PCDHGA2: variants seen among roughly 807,000 people sequenced by gnomAD.
PCDHGA2 encodes the protein protocadherin gamma subfamily A, 2.
In PCDHGA2, 40 loss-of-function variants were observed where a neutral mutation model predicts 59.2. That is an observed-to-expected ratio of 0.68 (90% CI 0.52 to 0.88). PCDHGA2 has a LOEUF of 0.88. Among genes scored for constraint, PCDHGA2 ranks in the 40% least tolerant of loss-of-function variants. The probability of loss-of-function intolerance (pLI) is 0.00; values close to 1 mark genes in which losing one functional copy is unlikely to be tolerated. For synonymous variants in PCDHGA2, 560 were observed against 526.0 expected (o/e 1.06, Z -0.89); for missense variants, 1,226 against 1,204.0 (o/e 1.02, Z -0.27).
chr5:141,361,816 C>G, intron 1 of PCDHGA2: 2 of 1,613,084 alleles, frequency 1.2e-6, no homozygotes, highest in Non-Finnish European at 1.7e-6. Context: ...CAATGCGCCA[C>G]GGGTGCTGTA....
intron 1 of PCDHGA2, chr5:141,387,800 T>G: frequency 4.6e-6 from 7 of 1,509,374 alleles, no homozygotes; most frequent in Non-Finnish European, 6.2e-6. Context: ...TAAAGTCCGT[T>G]CGGAGATCCA....
chr5:141,372,653 T>A, intron 1 of PCDHGA2: 1 of 1,614,032 alleles, frequency 6.2e-7, no homozygotes. Context: ...ATTCCTACAA[T>A]CCGTGTGCTG....
At position 141,340,692 on chromosome 5, in the gene PCDHGA2, G is replaced by T. The variant is rs752480769; in HGVS notation, c.1721G>T (p.Gly574Val). The T allele has an allele frequency of 3.7e-6, 6 of 1,614,076 alleles. No individual in the cohort carries two copies. The highest frequency in any genetic ancestry group is 5.1e-6 in the Non-Finnish European group (6 of 1,180,054). ...YPAFPTDGST[G>V]VELAPRSAEP... Reference sequence around the variant, plus strand: ...GCCTTCCCCACAGACGGTTCCACTGGCGTGGAGCTGGCGCCCCGCTCCGCA... The same window carrying T: ...GCCTTCCCCACAGACGGTTCCACTGTCGTGGAGCTGGCGCCCCGCTCCGCA... The change falls in exon 1 of 4, where the codon GGC (glycine) becomes GTC (valine). Residue 574 changes from glycine to valine, a missense_variant. By Grantham distance (109) the Gly-to-Val change is moderately radical. Coordinates refer to ENST00000394576, the MANE Select transcript of PCDHGA2 (RefSeq NM_018915.4).
intron 1 of PCDHGA2, among the ~76,000 whole-genome samples, chr5:141,442,926 T>C (rs2098353621): frequency 6.6e-6 from 1 of 152,240 alleles, no homozygotes; most frequent in African/African-American, 2.4e-5. Flanking sequence ...TGTTTCATTT[T>C]CTATTTAAGA....
chr5:141,372,588 T>G lies in PCDHGA2; in HGVS notation c.2424+31193T>G, dbSNP rs781493035. 9.3e-6 allele frequency: 15 copies of G among 1,613,932 alleles called. No individual in the cohort carries two copies. The South Asian group carries it at 1.2e-4, about 13-fold the overall frequency. ...TGAGGGCTACTTTCAGCCTGGTGTC[T>G]GCTTCAAGACTGTACCTGGAGTTCT... On this transcript the variant is annotated intron_variant, in intron 1 of 3. Transcript: ENST00000394576.
Position 141,370,644 on chromosome 5 carries a change from T to A in PCDHGA2, c.2424+29249T>A, listed in dbSNP as rs758086721. The A allele has an allele frequency of 5.6e-6, 9 of 1,613,802 alleles. No homozygotes were observed. The highest frequency in any genetic ancestry group is 7.6e-6 in the Non-Finnish European group (9 of 1,179,900). On this transcript the variant is annotated intron_variant, in intron 1 of 3. Transcript: ENST00000394576. ...TACCGTGAGCCCCGAAAATGGGAAC[T>A]TACTTGTGAGCGACCGTATAGACCG... is the stretch of plus-strand genomic sequence containing the variant.
At chr5:141,415,012 C>T (rs1451963535) in intron 1 of PCDHGA2, 2 of 1,613,644 alleles carry the variant, frequency 1.2e-6, no homozygotes, top group South Asian at 1.1e-5. Context: ...CTACCGTCTG[C>T]TCAAGGCCAG....
At chr5:141,351,506 G>C in intron 1 of PCDHGA2, 1 of 1,613,992 alleles carries the variant, frequency 6.2e-7, no homozygotes, top group Non-Finnish European at 8.5e-7. Flanking sequence ...AGACTACAAC[G>C]TCACAATCAT....
At chr5:141,484,876 A>C in intron 1 of PCDHGA2, 1 of 315,240 alleles carries the variant, frequency 3.2e-6, no homozygotes, top group Non-Finnish European at 5.8e-6. Flanking sequence ...CGTGGAGGAT[A>C]GGGTGGGCTT....
intron 1 of PCDHGA2, chr5:141,395,150 C>G: frequency 6.2e-7 from 1 of 1,614,162 alleles, no homozygotes; most frequent in Non-Finnish European, 8.5e-7. Flanking sequence ...CAGACATGCT[C>G]ATCAGTCAGG....
intron 1 of PCDHGA2, chr5:141,404,337 C>A (rs766940096): frequency 6.2e-6 from 10 of 1,613,902 alleles, no homozygotes; most frequent in Middle Eastern, 3.3e-4. Flanking sequence ...GTCTACCTCC[C>A]GGAAAACAAC....
chr5:141,393,939 T>C (rs1488586975), intron 1 of PCDHGA2: 2 of 1,613,856 alleles, frequency 1.2e-6, no homozygotes, highest in Non-Finnish European at 8.5e-7. Context: ...TGACCAAGAC[T>C]CTGGAAAGAA....
In PCDHGA2 at chr5:141,489,523, C is replaced by CT. The variant is rs1379784656; in HGVS notation, c.2425-5283dup. On this transcript the variant is annotated intron_variant, in intron 1 of 3. Coordinates refer to ENST00000394576, the MANE Select transcript of PCDHGA2 (RefSeq NM_018915.4). The surrounding 1 kb of genome is among the most constrained non-coding windows in gnomAD (Gnocchi z 4.5). ...GAATCAAAAGATTGACCGAGAAAGC[C>CT]TATGTGGAGCCAGCACCAGCTGCCT... 1 of 1,614,006 alleles carries CT rather than the reference C, an allele frequency of 6.2e-7. No homozygotes were observed. Among genetic ancestry groups the CT allele is most frequent in the Non-Finnish European group, 8.5e-7 (1 of 1,180,044 alleles).
intron 1 of PCDHGA2, among the ~76,000 whole-genome samples, chr5:141,483,993 G>T (rs1307708919): frequency 6.8e-6 from 1 of 147,882 alleles, no homozygotes; most frequent in Non-Finnish European, 1.5e-5. Flanking sequence ...AGGTTGCTGG[G>T]AGGTCTGGAT....
intron 1 of PCDHGA2, chr5:141,384,793 C>T (rs1780512284): frequency 1.9e-6 from 3 of 1,613,400 alleles, no homozygotes; most frequent in Non-Finnish European, 2.5e-6. Flanking sequence ...GGCTCGGGCC[C>T]TGCTGGACAG....
At position 141,512,967 on chromosome 5, in the gene PCDHGA2, T is replaced by C. The variant is rs2099884538; in HGVS notation, c.*1794T>C. ...CGACAAAAAAATAATAAAACGTTTC[T>C]TCTGAAAAGCTGAACGTTTCTGTAT... On this transcript the variant is annotated 3_prime_UTR_variant, in exon 4 of 4. Transcript: ENST00000394576. The C allele has an allele frequency of 6.6e-6, 1 of 152,260 alleles. No individual in the cohort carries two copies. Among genetic ancestry groups the C allele is most frequent in the South Asian group, 2.1e-4 (1 of 4,832 alleles). The allele number at this position is 152,260 out of a possible 1,614,324, so 9.4% of individuals were successfully genotyped here.
chr5:141,339,271 A>T lies in PCDHGA2; in HGVS notation c.300A>T (p.Ala100=), dbSNP rs763004865. ...GGGAGGAGCTCTGCGCTCAGAGCGC[A>T]CCCTGTCTGTTGAATTTTAACATTC... The part of the protein sequence containing the change: ...IDREELCAQS[A]PCLLNFNILL... Residue 100 remains alanine (A), a synonymous_variant, in exon 1 of 4, where the codon GCA becomes GCT. Coordinates refer to ENST00000394576, the MANE Select transcript of PCDHGA2 (RefSeq NM_018915.4). 2.5e-6 allele frequency: 4 copies of T among 1,614,252 alleles called. No homozygotes were observed. Among genetic ancestry groups the T allele is most frequent in the South Asian group, 1.1e-5 (1 of 91,090 alleles).
At chr5:141,353,506 C>A (rs1166159265) in intron 1 of PCDHGA2, among the ~76,000 whole-genome samples, 1 of 152,180 alleles carries the variant, frequency 6.6e-6, no homozygotes, top group Non-Finnish European at 1.5e-5. Context: ...TCACAAGTAG[C>A]AAATATTGTC....
At chr5:141,456,504 T>G (rs781368588) in intron 1 of PCDHGA2, among the ~76,000 whole-genome samples, 1 of 152,148 alleles carries the variant, frequency 6.6e-6, no homozygotes, top group Non-Finnish European at 1.5e-5. Context: ...GGTTAACCAA[T>G]TCCATAAAGA....
Sources: gnomAD v4.1 joint callset for allele counts (sites outside exome capture counted in the v4.1 genomes callset) on GRCh38, gnomAD v4.1.1 for gene constraint, Gnocchi (gnomAD v3.1) non-coding constraint, MANE v1.5 for transcripts, NCBI Gene and HGNC (gene_info 2026-07-23, HGNC 2026-07-21) for gene names.